Variants in MIPEP observed in about 807,000 individuals in gnomAD.
The protein encoded by MIPEP is mitochondrial intermediate peptidase.
In MIPEP, 79 loss-of-function variants were observed where a neutral mutation model predicts 90.3. The observed-to-expected ratio is 0.87, with a 90% CI of 0.73 to 1.05. MIPEP has a LOEUF of 1.05. Among genes scored for constraint, MIPEP ranks in the 50% least tolerant of loss-of-function variants. The probability of loss-of-function intolerance (pLI) is 0.00; values close to 1 mark genes in which losing one functional copy is unlikely to be tolerated. For missense variants in MIPEP, 940 were observed against 905.6 expected (o/e 1.04, Z -0.49); for synonymous variants, 334 against 315.8 (o/e 1.06, Z -0.61).
intron 10 of MIPEP, among the ~76,000 whole-genome samples, chr13:23,848,506 A>G (rs374132449): frequency 6.6e-6 from 1 of 152,188 alleles, no homozygotes; most frequent in Non-Finnish European, 1.5e-5. Flanking sequence ...GACCAATCCA[A>G]ATGATCAGGG....
chr13:23,840,905 C>T (rs531148275), intron 11 of MIPEP, among the ~76,000 whole-genome samples: 21 of 152,126 alleles, frequency 1.4e-4, no homozygotes, highest in African/African-American at 4.8e-4. Flanking sequence ...AATCAGAACA[C>T]GGACGTAAAT....
chr13:23,782,558 GA>G (rs761777070), intron 16 of MIPEP, among the ~76,000 whole-genome samples: 5 of 152,120 alleles, frequency 3.3e-5, no homozygotes, highest in Non-Finnish European at 7.4e-5. Flanking sequence ...AGAGAAGCAA[GA>G]GCAAACACAT....
intron 10 of MIPEP, among the ~76,000 whole-genome samples, chr13:23,845,922 ATTT>A (rs577515187): frequency 1.5e-5 from 2 of 136,840 alleles, no homozygotes; most frequent in Non-Finnish European, 1.6e-5. Flanking sequence ...ATTGTTTTTA[ATTT>A]TTTTTTTTTT....
chr13:23,844,602 C>T (rs1303267245), intron 10 of MIPEP, among the ~76,000 whole-genome samples: 3 of 151,690 alleles, frequency 2.0e-5, no homozygotes, highest in African/African-American at 7.3e-5. Flanking sequence ...TGTTTCCAGA[C>T]AATAAAAACA....
At chr13:23,830,972 C>A (rs1451775789) in intron 14 of MIPEP, among the ~76,000 whole-genome samples, 1 of 152,022 alleles carries the variant, frequency 6.6e-6, no homozygotes, top group East Asian at 1.9e-4. Flanking sequence ...GTGGCAGTTT[C>A]TGTAGGGGTG....
intron 10 of MIPEP, among the ~76,000 whole-genome samples, chr13:23,848,970 T>G (rs1387595317): frequency 6.6e-6 from 1 of 152,148 alleles, no homozygotes; most frequent in African/African-American, 2.4e-5. Flanking sequence ...CAAGGAGCAG[T>G]CCCACATGAC....
At chr13:23,806,120 A>T in intron 15 of MIPEP, 51 bp from the exon 16 acceptor site, 1 of 1,601,952 alleles carries the variant, frequency 6.2e-7, no homozygotes, top group Non-Finnish European at 8.5e-7. Flanking sequence ...CCTCACATCA[A>T]GATGTGGTTG....
chr13:23,830,673 G>GA (rs1868696054), intron 14 of MIPEP, among the ~76,000 whole-genome samples: 1 of 152,162 alleles, frequency 6.6e-6, no homozygotes, highest in Non-Finnish European at 1.5e-5. Context: ...TAGTAATATT[G>GA]TTTTTTCCTA....
At chr13:23,783,121 C>G (rs2137364355) in intron 16 of MIPEP, among the ~76,000 whole-genome samples, 1 of 152,250 alleles carries the variant, frequency 6.6e-6, no homozygotes, top group South Asian at 2.1e-4. Context: ...CCAGCATCAT[C>G]CTGATACCAA....
intron 16 of MIPEP, among the ~76,000 whole-genome samples, chr13:23,789,143 T>A (rs1262722087): frequency 6.6e-6 from 1 of 152,130 alleles, no homozygotes; most frequent in South Asian, 2.1e-4. Flanking sequence ...TCTTCTGTTG[T>A]CATTGTTTTA....
At chr13:23,786,295 T>G (rs4769288) in intron 16 of MIPEP, among the ~76,000 whole-genome samples, 74,554 of 151,850 alleles carry the variant, frequency 0.49, 19,395 homozygotes, top group South Asian at 0.65. Context: ...ATTTACATAA[T>G]TAAAGATTTA....
At chr13:23,819,045 T>C (rs963818689) in intron 14 of MIPEP, among the ~76,000 whole-genome samples, 3 of 152,260 alleles carry the variant, frequency 2.0e-5, no homozygotes, top group African/African-American at 7.2e-5. Context: ...TTCGTGAATA[T>C]GCAGAAATAT....
At chr13:23,818,144 C>T (rs868228085) in intron 14 of MIPEP, among the ~76,000 whole-genome samples, 7 of 150,252 alleles carry the variant, frequency 4.7e-5, no homozygotes, top group South Asian at 2.1e-4. Flanking sequence ...TGGCTAGGCA[C>T]GTTGGTTCAC....
intron 16 of MIPEP, among the ~76,000 whole-genome samples, chr13:23,771,906 T>A (rs1332050225): frequency 1.3e-5 from 2 of 152,102 alleles, no homozygotes; most frequent in African/African-American, 4.8e-5. Context: ...CTATTAACTT[T>A]CCTTTACATT....
Position 23,886,501 on chromosome 13 carries a change from A to C in MIPEP, c.195T>G (p.Leu65=), listed in dbSNP as rs1880016709. The stretch of plus-strand genomic sequence containing the variant: ...GGGCACTCAGCTCAGGAACTCCAAA[A>C]AGACCCTTAGAACCAAAGAATACGT... ...RLDLFGERRG[L]FGVPELSAPE... is the part of the protein sequence containing the mutation. Residue 65 remains leucine (L), a synonymous_variant, in exon 2 of 19, where the codon CTT becomes CTG. Transcript: ENST00000382172. The C allele has an allele frequency of 6.3e-7, 1 of 1,584,602 alleles. No homozygotes were observed. Among genetic ancestry groups the C allele is most frequent in the Non-Finnish European group, 8.6e-7 (1 of 1,165,922 alleles).
chr13:23,744,913 G>C (rs1260210923), intron 18 of MIPEP, among the ~76,000 whole-genome samples: 1 of 152,176 alleles, frequency 6.6e-6, no homozygotes, highest in Admixed American at 6.5e-5. Context: ...TAAATCTAGT[G>C]TTGAAATTCC....
intron 10 of MIPEP, among the ~76,000 whole-genome samples, chr13:23,848,931 C>G (rs1886973): frequency 1.3e-5 from 2 of 151,954 alleles, no homozygotes; most frequent in Non-Finnish European, 2.9e-5. Context: ...GGGTGTTTCC[C>G]GCAGCTCCAA....
intron 16 of MIPEP, among the ~76,000 whole-genome samples, chr13:23,776,737 AGTT>A (rs1952721579): frequency 6.6e-6 from 1 of 152,190 alleles, no homozygotes; most frequent in Non-Finnish European, 1.5e-5. Flanking sequence ...GGGCAGGATA[AGTT>A]AACATGGAGA....
intron 14 of MIPEP, among the ~76,000 whole-genome samples, chr13:23,812,364 G>C (rs1953183263): frequency 6.6e-6 from 1 of 152,038 alleles, no homozygotes; most frequent in African/African-American, 2.4e-5. Context: ...ACATGCAAAG[G>C]GCAGGAAAGA....
Sources: gnomAD v4.1 joint callset for allele counts (sites outside exome capture counted in the v4.1 genomes callset) on GRCh38, gnomAD v4.1.1 for gene constraint, MANE v1.5 for transcripts, NCBI Gene and HGNC (gene_info 2026-07-23, HGNC 2026-07-21) for gene names.